Variants in FBXL17 observed in about 807,000 individuals in gnomAD.
FBXL17 encodes F-box/LRR-repeat protein 17.
FBXL17 carries 22 observed loss-of-function variants against 66.2 expected under a neutral mutation model. That is an observed-to-expected ratio of 0.33 (90% CI 0.24 to 0.47). The LOEUF (loss-of-function observed/expected upper bound fraction) is 0.47, where lower values mean the gene tolerates loss of function less well. FBXL17 is among the 20% of genes least tolerant of loss of function. The pLI is 1.00. For missense variants in FBXL17, 878 were observed against 948.2 expected, an observed-to-expected ratio of 0.93 and a Z score of 0.97; for synonymous variants, 474 against 400.5, an observed-to-expected ratio of 1.18 and a Z score of -2.19.
intron 4 of FBXL17, among the ~76,000 whole-genome samples, chr5:108,289,895 C>T (rs1314241309): frequency 6.6e-6 from 1 of 152,018 alleles, no homozygotes; most frequent in Admixed American, 6.6e-5. Context: ...GCAGGAGATA[C>T]CTTCTAAAAT....
chr5:108,347,510 CATA>C (rs1244156828), intron 4 of FBXL17, among the ~76,000 whole-genome samples: 3 of 152,082 alleles, frequency 2.0e-5, no homozygotes, highest in African/African-American at 7.2e-5. Context: ...AGCCATAAAA[CATA>C]ATAAAGCTCT....
At chr5:108,062,139 T>A (rs1032450890) in intron 6 of FBXL17, among the ~76,000 whole-genome samples, 1 of 152,034 alleles carries the variant, frequency 6.6e-6, no homozygotes, top group African/African-American at 2.4e-5. Context: ...GTTGCGAAAC[T>A]TGTGGTTTAA....
chr5:107,928,902 T>C (rs1750627370), intron 7 of FBXL17, among the ~76,000 whole-genome samples: 1 of 152,102 alleles, frequency 6.6e-6, no homozygotes, highest in Non-Finnish European at 1.5e-5. Flanking sequence ...GAAAAAGAAT[T>C]CTTTGCTAAA....
At chr5:107,919,038 A>G (rs12514780) in intron 7 of FBXL17, among the ~76,000 whole-genome samples, 37,958 of 152,122 alleles carry the variant, frequency 0.25, 6,010 homozygotes, top group Admixed American at 0.43. Flanking sequence ...CTATTTTGTT[A>G]CACCATAGTA....
intron 2 of FBXL17, among the ~76,000 whole-genome samples, chr5:108,367,470 A>AC (rs1748740394): frequency 6.6e-6 from 1 of 152,148 alleles, no homozygotes; most frequent in Non-Finnish European, 1.5e-5. Context: ...TTAGAACAGT[A>AC]CACAACAACA....
intron 4 of FBXL17, among the ~76,000 whole-genome samples, chr5:108,313,711 T>A (rs1001106279): frequency 6.6e-6 from 1 of 152,004 alleles, no homozygotes; most frequent in African/African-American, 2.4e-5. Context: ...TACTGTTTCA[T>A]TCAACAGCCT....
intron 7 of FBXL17, among the ~76,000 whole-genome samples, chr5:107,945,794 G>A (rs997799584): frequency 1.6e-4 from 25 of 152,198 alleles, no homozygotes; most frequent in African/African-American, 4.8e-4. Flanking sequence ...AATGTAATTC[G>A]GGACTTCAAT....
chr5:107,923,218 T>C (rs1301555646), intron 7 of FBXL17, among the ~76,000 whole-genome samples: 2 of 152,098 alleles, frequency 1.3e-5, no homozygotes, highest in African/African-American at 4.8e-5. Flanking sequence ...CAATAAATAT[T>C]TGTTAAAGGA....
intron 6 of FBXL17, among the ~76,000 whole-genome samples, chr5:108,034,369 A>T (rs559395028): frequency 5.9e-5 from 9 of 152,310 alleles, no homozygotes; most frequent in African/African-American, 1.9e-4. Context: ...TAATGTTGTA[A>T]CTTAAAAGGT....
chr5:108,069,774 C>T (rs1367154274), intron 6 of FBXL17, among the ~76,000 whole-genome samples: 1 of 152,182 alleles, frequency 6.6e-6, no homozygotes, highest in Non-Finnish European at 1.5e-5. Flanking sequence ...GCTGACAACT[C>T]CTTACATATA....
intron 1 of FBXL17, among the ~76,000 whole-genome samples, chr5:108,377,685 C>G (rs892803485): frequency 6.6e-6 from 1 of 152,212 alleles, no homozygotes; most frequent in African/African-American, 2.4e-5. Flanking sequence ...CATTTTTATA[C>G]TTGTGTGTGG....
chr5:108,011,561 C>A (rs571699286), intron 7 of FBXL17, among the ~76,000 whole-genome samples: 2 of 151,894 alleles, frequency 1.3e-5, no homozygotes, highest in Non-Finnish European at 2.9e-5. Flanking sequence ...TCCAGCACTT[C>A]GGGAGGCCAA....
chr5:108,202,975 A>G (rs776866216), intron 5 of FBXL17, among the ~76,000 whole-genome samples: 12 of 152,172 alleles, frequency 7.9e-5, no homozygotes, highest in Non-Finnish European at 1.5e-4. Flanking sequence ...AGGAAAAGAA[A>G]AAAATTATAC....
intron 4 of FBXL17, among the ~76,000 whole-genome samples, chr5:108,226,642 A>T (rs1042023308): frequency 4.6e-5 from 7 of 152,184 alleles, no homozygotes; most frequent in African/African-American, 1.2e-4. Flanking sequence ...TTCCTGTGAG[A>T]GAGTTTCTGA....
At chr5:108,039,315 T>G (rs1267782372) in intron 6 of FBXL17, among the ~76,000 whole-genome samples, 1 of 152,094 alleles carries the variant, frequency 6.6e-6, no homozygotes, top group Admixed American at 6.5e-5. Flanking sequence ...TAATAAAGAC[T>G]ATGTGATATA....
chr5:108,055,280 GAAAAAAAAAAAAA>G (rs1000211060), intron 6 of FBXL17, among the ~76,000 whole-genome samples: 19 of 23,710 alleles, frequency 8.0e-4, no homozygotes, highest in South Asian at 3.5e-3. Context: ...AGAATTTTTA[GAAAAAAAAAAAAA>G]AAAAAAAAAA....
intron 4 of FBXL17, among the ~76,000 whole-genome samples, chr5:108,277,225 G>T (rs749104833): frequency 6.6e-6 from 1 of 152,032 alleles, no homozygotes; most frequent in Non-Finnish European, 1.5e-5. Flanking sequence ...CTGAACTGGA[G>T]GGGAAATTTT....
rs1013984375 is a variant in FBXL17 at position 108,127,374 on chromosome 5, G to A, written c.1745+58743C>T. 1.3e-5 allele frequency among the ~76,000 whole-genome samples: 2 copies of A among 152,156 alleles called. 1 individual carries two copies. The highest frequency in any genetic ancestry group is 2.9e-5 in the Non-Finnish European group (2 of 68,004). On this transcript the variant is annotated intron_variant, in intron 6 of 8. Coordinates refer to ENST00000542267, the MANE Select transcript of FBXL17 (RefSeq NM_001163315.3). ...ACATAGTAAGAAAGAAAACAGTGTA[G>A]AAAAGCTGTGCTGGCACAAGGGGCT...
At chr5:108,203,476 G>A (rs187029033) in intron 5 of FBXL17, among the ~76,000 whole-genome samples, 217 of 152,050 alleles carry the variant, frequency 1.4e-3, no homozygotes, top group African/African-American at 5.0e-3. Context: ...CTTGATTTTT[G>A]GCTCAACTCT....
Sources: allele counts gnomAD v4.1 joint callset (sites outside exome capture counted in the v4.1 genomes callset), GRCh38; gene constraint gnomAD v4.1.1; transcripts MANE v1.5; gene names NCBI Gene and HGNC (gene_info 2026-07-23, HGNC 2026-07-21).